The following ANKRD26 variants were observed in gnomAD, a reference collection of about 807,000 sequenced individuals.
The protein encoded by ANKRD26 is ankyrin repeat domain-containing protein 26.
A neutral mutation model predicts 208.7 loss-of-function variants in ANKRD26; 141 were observed. The ratio of observed to expected loss-of-function variants is 0.68; its 90% CI spans 0.59 to 0.78. The LOEUF is 0.78. Ranked by LOEUF, ANKRD26 falls within the 30% of genes least tolerant of loss-of-function variation. The pLI is 0.00. For missense variants in ANKRD26, 1,889 were observed against 1,938.7 expected (o/e 0.97, Z 0.48); for synonymous variants, 636 against 660.4 (o/e 0.96, Z 0.57).
At chr10:26,998,833 T>G (rs2052654398) in intron 4 of ANKRD26, among the ~76,000 whole-genome samples, 2 of 152,142 alleles carry the variant, frequency 1.3e-5, no homozygotes. Flanking sequence ...CCCAGCTGCC[T>G]TCTGTTGAGT....
In ANKRD26 at chr10:27,032,918, A is replaced by T. The variant is rs556130337; in HGVS notation, c.3807+307T>A. On this transcript the variant is annotated intron_variant, in intron 25 of 33. Transcript: ENST00000376087. ...AACCTCGTCTCTACTAAAAAAAACC[A>T]CAAAAAATTAGCCAGGTGTGGCGGT... Among the ~76,000 whole-genome samples the T allele has an allele frequency of 2.0e-5, 3 of 150,876 alleles. No homozygotes were observed. In the South Asian group the frequency reaches 6.3e-4, roughly 32 times the overall value.
intron 32 of ANKRD26, among the ~76,000 whole-genome samples, chr10:27,008,895 A>G (rs952911373): frequency 3.3e-5 from 5 of 151,992 alleles, no homozygotes; most frequent in Admixed American, 6.6e-5. Flanking sequence ...GCTTGAGTGT[A>G]GTGGAGTAAT....
intron 4 of ANKRD26, among the ~76,000 whole-genome samples, chr10:26,980,899 G>C (rs2052297489): frequency 6.6e-6 from 1 of 152,138 alleles, no homozygotes; most frequent in African/African-American, 2.4e-5. Context: ...CTTTAAGAGA[G>C]ATAAAGCACT....
intron 9 of ANKRD26, among the ~76,000 whole-genome samples, chr10:27,067,586 C>T (rs2055308747): frequency 6.6e-6 from 1 of 152,126 alleles, no homozygotes; most frequent in Admixed American, 6.6e-5. Context: ...GCAGGTGTCT[C>T]ACATGGCAGA....
At chr10:27,048,048 A>T (rs2054519086) in intron 17 of ANKRD26, among the ~76,000 whole-genome samples, 1 of 152,064 alleles carries the variant, frequency 6.6e-6, no homozygotes, top group South Asian at 2.1e-4. Flanking sequence ...GGCCATAACT[A>T]CTTTTTTACG....
chr10:26,983,034 A>G (rs2052331780), intron 3 of ANKRD26, among the ~76,000 whole-genome samples: 1 of 152,122 alleles, frequency 6.6e-6, no homozygotes, highest in Non-Finnish European at 1.5e-5. Context: ...TTCAGTTTTG[A>G]TTGTGGCAAA....
At position 27,005,192 on chromosome 10, in the gene ANKRD26, C is replaced by G. The variant is rs2052828301; in HGVS notation, c.*398G>C. 8 of 990,166 alleles carry G rather than the reference C, an allele frequency of 8.1e-6. No homozygotes were observed. Among genetic ancestry groups the G allele is most frequent in the Non-Finnish European group, 9.6e-6 (8 of 833,200 alleles). 61.3% of individuals were successfully genotyped at this position (990,166 alleles called of 1,614,324 possible). On this transcript the variant is annotated 3_prime_UTR_variant, in exon 34 of 34. Transcript: ENST00000376087. Reference sequence around the variant, plus strand: ...TGATGGCACTGTAACAATTGTAATACATCCAAACATGAACAATGACCACAG... The same window carrying G: ...TGATGGCACTGTAACAATTGTAATAGATCCAAACATGAACAATGACCACAG...
chr10:27,091,728 C>CAT (rs2056306200), intron 4 of ANKRD26, among the ~76,000 whole-genome samples: 2 of 152,132 alleles, frequency 1.3e-5, no homozygotes, highest in East Asian at 1.9e-4. Flanking sequence ...TGGCTTAATG[C>CAT]CTGTAATCCC....
At chr10:27,094,512 G>A (rs1354189547) in intron 1 of ANKRD26, among the ~76,000 whole-genome samples, 2 of 152,046 alleles carry the variant, frequency 1.3e-5, no homozygotes, top group African/African-American at 4.8e-5. Context: ...AATAAAATGG[G>A]GATCAAAATA....
chr10:27,076,319 A>G (rs2055697311), intron 9 of ANKRD26, among the ~76,000 whole-genome samples: 1 of 151,342 alleles, frequency 6.6e-6, no homozygotes. Flanking sequence ...CTGAAGTGCA[A>G]TGGCGTGATC....
chr10:27,029,194 A>T (rs2053779746), intron 26 of ANKRD26, 92 bp downstream of exon 26: 2 of 1,410,220 alleles, frequency 1.4e-6, no homozygotes, highest in Non-Finnish European at 2.0e-6. Flanking sequence ...ACACAGATGT[A>T]CTTATGATCA....
At chr10:27,026,556 T>C (rs181462854) in intron 27 of ANKRD26, among the ~76,000 whole-genome samples, 57 of 152,306 alleles carry the variant, frequency 3.7e-4, no homozygotes, top group Admixed American at 3.4e-3. Flanking sequence ...AATCTTCCTG[T>C]TGTGACTTAA....
At chr10:27,044,013 C>T (rs1375449471) in intron 19 of ANKRD26, 144 bp downstream of exon 19, 1 of 611,034 alleles carries the variant, frequency 1.6e-6, no homozygotes, top group African/African-American at 1.9e-5. Flanking sequence ...AGGCTGGTCT[C>T]AAATTCCTGG....
intron 27 of ANKRD26, among the ~76,000 whole-genome samples, chr10:27,027,757 C>A (rs763214924): frequency 6.6e-6 from 1 of 152,188 alleles, no homozygotes; most frequent in Non-Finnish European, 1.5e-5. Flanking sequence ...TAGTCCCCAA[C>A]TTACAATAGC....
intron 15 of ANKRD26, among the ~76,000 whole-genome samples, chr10:27,057,975 C>T (rs2054902542): frequency 1.3e-5 from 2 of 151,512 alleles, no homozygotes; most frequent in Admixed American, 1.3e-4. Context: ...ACAATGATGG[C>T]CTTAAGTGAC....
Position 27,005,351 on chromosome 10 carries a change from T to C in ANKRD26, c.*239A>G. 8.2e-7 allele frequency: 1 copy of C among 1,218,152 alleles called. No individual in the cohort carries two copies. Among genetic ancestry groups the C allele is most frequent in the Non-Finnish European group, 1.0e-6 (1 of 972,930 alleles). The allele number at this position is 1,218,152 out of a possible 1,614,324, so 75.5% of individuals were successfully genotyped here. A position where few individuals can be genotyped will look rare whatever the true frequency, so the allele number is the denominator to read the frequency against. ...TAATGACAACTTAGTGGTTTGGCTG[T>C]TTAAACAGCTCACATTTGGGCAGTT... On this transcript the variant is annotated 3_prime_UTR_variant, in exon 34 of 34. Transcript: ENST00000376087.
intron 1 of ANKRD26, 110 bp downstream of exon 1, chr10:27,099,975 C>T: frequency 3.8e-6 from 6 of 1,565,282 alleles, no homozygotes; most frequent in Non-Finnish European, 5.2e-6. Context: ...CCAGGGGCTA[C>T]GGAGCCCGCG....
At chr10:27,087,176 A>G (rs1040509454) in intron 4 of ANKRD26, among the ~76,000 whole-genome samples, 2 of 152,218 alleles carry the variant, frequency 1.3e-5, no homozygotes, top group Admixed American at 6.5e-5. Context: ...TTAGCTTGAC[A>G]TAATGGAAAG....
the ANKRD26 span, among the ~76,000 whole-genome samples, chr10:26,952,906 A>G: frequency 6.6e-6 from 1 of 152,204 alleles, no homozygotes; most frequent in African/African-American, 2.4e-5. Flanking sequence ...TCTTTGGTCT[A>G]TTTTGCTGCC....
Sources: gnomAD v4.1 joint callset for allele counts (sites outside exome capture counted in the v4.1 genomes callset) on GRCh38, gnomAD v4.1.1 for gene constraint, MANE v1.5 for transcripts, NCBI Gene and HGNC (gene_info 2026-07-23, HGNC 2026-07-21) for gene names.